FRY: variants seen among roughly 807,000 people sequenced by gnomAD.
FRY encodes protein furry homolog.
In FRY, 128 loss-of-function variants were observed where a neutral mutation model predicts 348.4. The ratio of observed to expected loss-of-function variants is 0.37; its 90% confidence interval spans 0.32 to 0.43. The LOEUF is 0.43. Ranked by LOEUF, FRY falls within the 20% of genes least tolerant of loss-of-function variation. The probability of loss-of-function intolerance (pLI) is 1.00; values close to 1 mark genes in which losing one functional copy is unlikely to be tolerated. For synonymous variants in FRY, 1,370 were observed against 1,374.7 expected (o/e 1.00, Z 0.08); for missense variants, 2,736 against 3,695.2 (o/e 0.74, Z 6.73).
chr13:32,118,071 A>C (rs1220402292), intron 4 of FRY, among the ~76,000 whole-genome samples: 1 of 152,186 alleles, frequency 6.6e-6, no homozygotes, highest in Non-Finnish European at 1.5e-5. Flanking sequence ...GTGGGTTTGA[A>C]AAATGGAACT....
chr13:32,244,809 G>A (rs1362719638), intron 47 of FRY, among the ~76,000 whole-genome samples: 1 of 152,154 alleles, frequency 6.6e-6, no homozygotes, highest in Non-Finnish European at 1.5e-5. Flanking sequence ...CAGTCTTTAT[G>A]TATATTTTTA....
intron 55 of FRY, among the ~76,000 whole-genome samples, chr13:32,270,547 TAA>T (rs1157875359): frequency 1.3e-5 from 2 of 152,242 alleles, no homozygotes; most frequent in African/African-American, 4.8e-5. Context: ...AATATATATT[TAA>T]GTTTGGCTGT....
chr13:32,198,421 G>A (rs1411754606), intron 29 of FRY, among the ~76,000 whole-genome samples: 1 of 152,200 alleles, frequency 6.6e-6, no homozygotes, highest in Non-Finnish European at 1.5e-5. Flanking sequence ...AGAAAGGTCT[G>A]TTCCAAGATA....
intron 47 of FRY, 81 bp from the exon 48 acceptor site, chr13:32,247,242 C>A: frequency 8.7e-7 from 1 of 1,155,816 alleles, no homozygotes; most frequent in Non-Finnish European, 1.3e-6. Flanking sequence ...TGGTCACTAG[C>A]TTCTCACTGG....
At chr13:32,052,638 T>C (rs566912124) in intron 1 of FRY, among the ~76,000 whole-genome samples, 1 of 152,344 alleles carries the variant, frequency 6.6e-6, no homozygotes, top group African/African-American at 2.4e-5. Flanking sequence ...CATCAACATA[T>C]TTAAATTTGA....
chr13:32,292,149 A>AT (rs1889405076), intron 59 of FRY: 30 of 299,570 alleles, frequency 1.0e-4, no homozygotes, highest in South Asian at 7.9e-4. Context: ...TGCCCAGCTA[A>AT]TTTTTGTATT....
chr13:32,247,220 G>C (rs1445025106), intron 47 of FRY, 103 bp from the exon 48 acceptor site: 3 of 927,070 alleles, frequency 3.2e-6, no homozygotes, highest in African/African-American at 3.3e-5. Context: ...TTTTAAGTCA[G>C]TGAATTCTGA....
chr13:32,193,562 C>CA lies in FRY; in HGVS notation c.3592-573dup, dbSNP rs1298320228. ...GTATTTTTCAGAAATATTTTAAATG[C>CA]AAAAAAAATTGCCAATAAAGTCTTC... On this transcript the variant is annotated intron_variant, in intron 28 of 60. Transcript: ENST00000542859. Among the ~76,000 whole-genome samples the CA allele has an allele frequency of 3.5e-5, 5 of 144,084 alleles. No homozygotes were observed. The South Asian group carries it at 6.5e-4, about 19-fold the overall frequency. 94.5% of individuals were successfully genotyped at this position (144,084 alleles called of 152,430 possible). A position where few individuals can be genotyped will look rare whatever the true frequency, so the allele number is the denominator to read the frequency against.
chr13:32,126,658 A>G (rs1314131148), intron 7 of FRY, among the ~76,000 whole-genome samples: 1 of 152,228 alleles, frequency 6.6e-6, no homozygotes, highest in Non-Finnish European at 1.5e-5. Flanking sequence ...GTTCTCAACT[A>G]GTCTATATGT....
intron 1 of FRY, 78 bp from the exon 2 acceptor site, chr13:32,078,756 A>C: frequency 1.9e-6 from 2 of 1,054,050 alleles, no homozygotes; most frequent in South Asian, 2.5e-5. Flanking sequence ...ATATCCTGAT[A>C]TTTATGGTTT....
intron 51 of FRY, among the ~76,000 whole-genome samples, chr13:32,255,203 G>A (rs373991821): frequency 7.9e-5 from 12 of 152,154 alleles, no homozygotes; most frequent in East Asian, 3.9e-4. Context: ...TGCCTCGTTC[G>A]GAACCGGGCT....
intron 1 of FRY, among the ~76,000 whole-genome samples, chr13:32,070,558 GT>G (rs56360034): frequency 0.54 from 77,857 of 144,410 alleles, 20,975 homozygotes; most frequent in Admixed American, 0.59. Context: ...TTTTTGATGG[GT>G]TTTTTTTTTT....
At chr13:32,228,317 A>G in intron 39 of FRY, 139 bp from the exon 40 acceptor site, 1 of 768,954 alleles carries the variant, frequency 1.3e-6, no homozygotes, top group South Asian at 1.4e-5. Flanking sequence ...ATTTAATCAT[A>G]GCCACAGCCG....
intron 7 of FRY, 146 bp from the exon 8 acceptor site, chr13:32,131,526 C>G (rs1015809084): frequency 7.6e-6 from 5 of 659,066 alleles, no homozygotes; most frequent in African/African-American, 1.8e-5. Flanking sequence ...TCCCAAACAC[C>G]AAATCCTTAC....
At chr13:32,072,432 A>AT (rs1377347892) in intron 1 of FRY, among the ~76,000 whole-genome samples, 1 of 151,760 alleles carries the variant, frequency 6.6e-6, no homozygotes, top group Non-Finnish European at 1.5e-5. Flanking sequence ...GAAACTATTG[A>AT]TTTTTTTTGT....
At position 32,237,925 on chromosome 13, in the gene FRY, G is replaced by A. The variant is rs1389372976; in HGVS notation, c.6357G>A (p.Gln2119=). 1 of 1,614,128 alleles carries A rather than the reference G, an allele frequency of 6.2e-7. No homozygotes were observed. The highest frequency in any genetic ancestry group is 1.3e-5 in the African/African-American group (1 of 75,030). Reference sequence around the variant, plus strand: ...TCACCACCACAGACCTGACCCTGCAGCTCTTCAGTCTGCTGACACCAGTGT... The same window carrying A: ...TCACCACCACAGACCTGACCCTGCAACTCTTCAGTCTGCTGACACCAGTGT... ...TSLTTTDLTL[Q]LFSLLTPVSK... is the part of the protein sequence containing the mutation. Residue 2119 remains glutamine (Q), a synonymous_variant, in exon 44 of 61, where the codon CAG becomes CAA. Transcript: ENST00000542859. The surrounding 1 kb of genome is among the most constrained non-coding windows in gnomAD (Gnocchi z 6.3).
intron 20 of FRY, among the ~76,000 whole-genome samples, chr13:32,177,724 G>T (rs879391044): frequency 6.6e-6 from 1 of 152,194 alleles, no homozygotes; most frequent in Non-Finnish European, 1.5e-5. Flanking sequence ...ATATTTCAGT[G>T]TAAGGAAAGA....
chr13:32,056,816 A>G (rs980254767), intron 1 of FRY, among the ~76,000 whole-genome samples: 31 of 152,320 alleles, frequency 2.0e-4, no homozygotes, highest in African/African-American at 7.0e-4. Flanking sequence ...GAAGACTAAC[A>G]TGTATGTATC....
chr13:32,258,433 C>T (rs974473293), intron 51 of FRY, among the ~76,000 whole-genome samples: 1 of 152,002 alleles, frequency 6.6e-6, no homozygotes. Flanking sequence ...GCCAACATGG[C>T]GAAACCCTGT....
Sources: allele counts gnomAD v4.1 joint callset (sites outside exome capture counted in the v4.1 genomes callset), GRCh38; gene constraint gnomAD v4.1.1; non-coding constraint Gnocchi (gnomAD v3.1); transcripts MANE v1.5; gene names NCBI Gene and HGNC (gene_info 2026-07-23, HGNC 2026-07-21).